ADGRV1: variants seen among roughly 807,000 people sequenced by gnomAD.
ADGRV1 encodes the protein G-protein coupled receptor 98.
A neutral mutation model predicts 596.2 loss-of-function variants in ADGRV1; 359 were observed. The ratio of observed to expected loss-of-function variants is 0.60; its 90% confidence interval spans 0.55 to 0.66. ADGRV1 has a LOEUF of 0.66. ADGRV1 is among the 30% of genes least tolerant of loss of function. The pLI is 0.00. For missense variants in ADGRV1, 7,274 were observed against 7,575.6 expected, an observed-to-expected ratio of 0.96 and a Z score of 1.48; for synonymous variants, 2,681 against 2,679.2, an observed-to-expected ratio of 1.00 and a Z score of -0.02.
chr5:90,656,447 C>A (rs1320060979), intron 20 of ADGRV1, among the ~76,000 whole-genome samples: 2 of 152,138 alleles, frequency 1.3e-5, no homozygotes. Context: ...ATCCTTGACT[C>A]CAGATAGCAT....
intron 72 of ADGRV1, 103 bp from the exon 73 acceptor site, chr5:90,807,499 T>C (rs900897142): frequency 1.0e-5 from 12 of 1,153,610 alleles, no homozygotes; most frequent in African/African-American, 1.5e-5. Context: ...TGAACTATAA[T>C]TGAATTTTGG....
At chr5:91,029,796 C>T (rs1327981041) in intron 85 of ADGRV1, among the ~76,000 whole-genome samples, 1 of 151,944 alleles carries the variant, frequency 6.6e-6, no homozygotes, top group Non-Finnish European at 1.5e-5. Context: ...TTCCATATAT[C>T]AAATGAAGTA....
intron 83 of ADGRV1, among the ~76,000 whole-genome samples, chr5:90,908,346 C>A (rs963316413): frequency 6.6e-6 from 1 of 152,108 alleles, no homozygotes; most frequent in African/African-American, 2.4e-5. Flanking sequence ...TATCCATCAC[C>A]TCAAGCATTT....
chr5:91,152,953 C>T (rs541214660), intron 88 of ADGRV1, among the ~76,000 whole-genome samples: 1 of 152,272 alleles, frequency 6.6e-6, no homozygotes, highest in African/African-American at 2.4e-5. Context: ...CATGGTGGTT[C>T]ACACCCATAA....
At chr5:90,695,445 A>G (rs1747059998) in intron 33 of ADGRV1, among the ~76,000 whole-genome samples, 1 of 152,050 alleles carries the variant, frequency 6.6e-6, no homozygotes, top group Non-Finnish European at 1.5e-5. Context: ...TATTGATTAC[A>G]TCCTCATTTG....
At chr5:90,572,313 C>G (rs746307701) in intron 1 of ADGRV1, among the ~76,000 whole-genome samples, 2 of 152,032 alleles carry the variant, frequency 1.3e-5, no homozygotes. Context: ...GTCAGAAGTA[C>G]TTGGTGACCT....
At chr5:91,097,637 G>T (rs1000156038) in intron 86 of ADGRV1, among the ~76,000 whole-genome samples, 1 of 152,080 alleles carries the variant, frequency 6.6e-6, no homozygotes, top group Non-Finnish European at 1.5e-5. Flanking sequence ...TTAACATCTT[G>T]AGGTTCTACC....
chr5:90,635,306 C>T lies in ADGRV1; in HGVS notation c.2016+16C>T. 2 of 1,597,074 alleles carry T rather than the reference C, an allele frequency of 1.3e-6. No individual in the cohort carries two copies. Among genetic ancestry groups the T allele is most frequent in the Non-Finnish European group, 1.7e-6 (2 of 1,171,970 alleles). The stretch of plus-strand genomic sequence containing the variant: ...TGCTGAAGTGGTAAGTAGGCTCTTT[C>T]TTACTGATGGGGGCTAATGAGTATG... On this transcript the variant is annotated intron_variant, in intron 10 of 89. Coordinates refer to ENST00000405460, the MANE Select transcript of ADGRV1 (RefSeq NM_032119.4).
chr5:90,692,882 G>A, intron 32 of ADGRV1, 96 bp downstream of exon 32: 2 of 926,584 alleles, frequency 2.2e-6, no homozygotes, highest in Non-Finnish European at 3.1e-6. Context: ...AGGTTTTGTG[G>A]TTTTTTCTAT....
chr5:91,125,935 T>A (rs967733219), intron 87 of ADGRV1, among the ~76,000 whole-genome samples: 1 of 152,248 alleles, frequency 6.6e-6, no homozygotes, highest in South Asian at 2.1e-4. Context: ...CCTTTTTAAA[T>A]GTTTCAAACC....
intron 83 of ADGRV1, among the ~76,000 whole-genome samples, chr5:90,939,423 G>A (rs1254661615): frequency 6.6e-5 from 10 of 152,090 alleles, no homozygotes; most frequent in African/African-American, 1.9e-4. Context: ...AAATACCAGC[G>A]CCTAACAGAT....
At chr5:90,783,653 C>G (rs1759102444) in intron 66 of ADGRV1, among the ~76,000 whole-genome samples, 185 bp from the exon 67 acceptor site, 1 of 152,128 alleles carries the variant, frequency 6.6e-6, no homozygotes, top group African/African-American at 2.4e-5. Flanking sequence ...CTACAACTGC[C>G]CTAGGTCATG....
intron 87 of ADGRV1, among the ~76,000 whole-genome samples, chr5:91,110,725 G>T (rs1296440592): frequency 6.6e-6 from 1 of 152,144 alleles, no homozygotes; most frequent in Non-Finnish European, 1.5e-5. Context: ...TTGTGGAGAA[G>T]GTTCATATGC....
chr5:90,973,587 C>T (rs1404412459), intron 84 of ADGRV1, among the ~76,000 whole-genome samples: 1 of 152,090 alleles, frequency 6.6e-6, no homozygotes, highest in Non-Finnish European at 1.5e-5. Flanking sequence ...ATAAACAGAA[C>T]CAAAGACAAA....
intron 87 of ADGRV1, among the ~76,000 whole-genome samples, chr5:91,124,132 C>T (rs1793556101): frequency 6.6e-6 from 1 of 152,092 alleles, no homozygotes; most frequent in South Asian, 2.1e-4. Context: ...TCATGATTCA[C>T]ATAGTTATTT....
chr5:90,966,821 C>A (rs953188775), intron 84 of ADGRV1, among the ~76,000 whole-genome samples: 1 of 152,182 alleles, frequency 6.6e-6, no homozygotes, highest in Non-Finnish European at 1.5e-5. Flanking sequence ...AGTGGCTCAA[C>A]TAAAATGCTG....
chr5:90,754,664 C>T (rs950147312), intron 54 of ADGRV1, among the ~76,000 whole-genome samples: 6 of 152,136 alleles, frequency 3.9e-5, no homozygotes, highest in African/African-American at 1.4e-4. Flanking sequence ...ACCTGCATAT[C>T]TGTACTTCCC....
intron 1 of ADGRV1, among the ~76,000 whole-genome samples, chr5:90,598,113 G>C (rs28593143): frequency 0.03 from 4,586 of 152,278 alleles, 216 homozygotes; most frequent in African/African-American, 0.1. Context: ...ATTTAAAAAG[G>C]ATTTACTTTT....
chr5:91,038,139 G>A (rs79665583), intron 85 of ADGRV1, among the ~76,000 whole-genome samples: 12,425 of 152,210 alleles, frequency 0.082, 880 homozygotes, highest in Admixed American at 0.22. Context: ...GGTAGGAATT[G>A]TCAGGTGAAG....
Sources: allele counts gnomAD v4.1 joint callset (sites outside exome capture counted in the v4.1 genomes callset), GRCh38; gene constraint gnomAD v4.1.1; transcripts MANE v1.5; gene names NCBI Gene and HGNC (gene_info 2026-07-23, HGNC 2026-07-21).